The following HEATR4 variants were observed in gnomAD, a reference collection of about 807,000 sequenced individuals.
HEATR4 encodes HEAT repeat-containing protein 4.
HEATR4 carries 95 observed loss-of-function variants against 108.8 expected under a neutral mutation model. That is an observed-to-expected ratio of 0.87 (90% CI 0.74 to 1.04). HEATR4 has a LOEUF of 1.04. Among genes scored for constraint, HEATR4 ranks in the 50% least tolerant of loss-of-function variants. The pLI is 0.00. For missense variants in HEATR4, 1,152 were observed against 1,253.8 expected (o/e 0.92, Z 1.23); for synonymous variants, 443 against 459.4 (o/e 0.96, Z 0.46).
Position 73,498,200 on chromosome 14 carries a change from G to T in HEATR4, c.2501C>A (p.Thr834Asn). 6.2e-7 allele frequency: 1 copy of T among 1,613,940 alleles called. No individual in the cohort carries two copies. Among genetic ancestry groups the T allele is most frequent in the Non-Finnish European group, 8.5e-7 (1 of 1,179,918 alleles). Residue 834 changes from threonine (T) to asparagine (N), a missense_variant, in exon 14 of 18, where the codon ACC (threonine) becomes AAC (asparagine). By Grantham distance (65) the Thr-to-Asn change is moderately conservative. Coordinates refer to ENST00000553558, the MANE Select transcript of HEATR4 (RefSeq NM_001220484.1). The part of the protein sequence containing the change: ...LKLQGDRVRD[T>N]FLDVLLLENH... ...CTCCAGGAGCAGCACGTCTAGGAAG[G>T]TGTCCCTGACCCGGTCCCCTTGAAG...
chr14:73,602,899 T>C, the HEATR4 span, among the ~76,000 whole-genome samples: 1 of 152,184 alleles, frequency 6.6e-6, no homozygotes, highest in African/African-American at 2.4e-5. Flanking sequence ...AAAAGACAAT[T>C]CTGAGGCTGA....
chr14:73,592,625 G>A, the HEATR4 span, among the ~76,000 whole-genome samples: 2 of 152,338 alleles, frequency 1.3e-5, no homozygotes, highest in Non-Finnish European at 2.9e-5. Context: ...GGCCGAGATG[G>A]GCGGATCACT....
chr14:73,621,440 TC>T, the HEATR4 span, among the ~76,000 whole-genome samples: 1 of 152,102 alleles, frequency 6.6e-6, no homozygotes, highest in African/African-American at 2.4e-5. Flanking sequence ...AACCATCTAG[TC>T]CAATTACCCT....
At chr14:73,582,673 T>G in the HEATR4 span, 4 of 151,996 alleles carry the variant, frequency 2.6e-5, no homozygotes, top group African/African-American at 9.7e-5. Context: ...TGAACAAGCA[T>G]GTACAGCTAC....
chr14:73,551,677 G>A (rs1224203926), intron 1 of HEATR4, among the ~76,000 whole-genome samples: 1 of 110,718 alleles, frequency 9.0e-6, no homozygotes, highest in African/African-American at 3.0e-5. Context: ...GTGTGGTGGT[G>A]CGCACCTGTA....
intron 16 of HEATR4, 155 bp from the exon 17 acceptor site, chr14:73,493,279 G>T: frequency 1.6e-6 from 1 of 616,194 alleles, no homozygotes; most frequent in Admixed American, 3.3e-5. Flanking sequence ...ATTTTTTTTG[G>T]AATTTGGATC....
intron 1 of HEATR4, among the ~76,000 whole-genome samples, chr14:73,533,153 G>A (rs1888759830): frequency 8.8e-6 from 1 of 113,200 alleles, no homozygotes; most frequent in South Asian, 2.8e-4. Context: ...CCCTGTTGAA[G>A]GTTCCTCAAA....
the HEATR4 span, chr14:73,571,235 A>G: frequency 6.5e-6 from 1 of 153,314 alleles, no homozygotes; most frequent in African/African-American, 2.4e-5. Context: ...ACCAGGTACT[A>G]TTGTGGCCTC....
chr14:73,572,676 C>T, the HEATR4 span, among the ~76,000 whole-genome samples: 1 of 131,234 alleles, frequency 7.6e-6, no homozygotes. Flanking sequence ...GAGACAGTGT[C>T]TCGCTCTTTC....
At chr14:73,560,354 C>T (rs955240709), upstream of HEATR4, among the ~76,000 whole-genome samples, 3 of 151,998 alleles carry the variant, frequency 2.0e-5, no homozygotes, top group Non-Finnish European at 4.4e-5. Context: ...GCAGAGGGTA[C>T]GTTTTCTGTT....
the HEATR4 span, among the ~76,000 whole-genome samples, chr14:73,587,544 C>T: frequency 0.023 from 3,489 of 152,120 alleles, 148 homozygotes; most frequent in African/African-American, 0.08. Context: ...TTAGTAAAGA[C>T]GGGGTTTTGC....
At chr14:73,592,154 A>G in the HEATR4 span, 67 of 1,596,590 alleles carry the variant, frequency 4.2e-5, no homozygotes, top group Non-Finnish European at 5.7e-5. Flanking sequence ...TGGAGCGCGC[A>G]CCCGCGCTGG....
intron 10 of HEATR4, among the ~76,000 whole-genome samples, chr14:73,505,890 C>CTTTTT (rs139879719): frequency 3.5e-5 from 4 of 113,320 alleles, no homozygotes; most frequent in Non-Finnish European, 5.3e-5. Context: ...ATAAACGTTT[C>CTTTTT]TTTTTTTTTT....
intron 6 of HEATR4, among the ~76,000 whole-genome samples, chr14:73,513,767 C>A (rs1321427192): frequency 6.9e-6 from 1 of 145,776 alleles, no homozygotes; most frequent in Non-Finnish European, 1.5e-5. Flanking sequence ...ATGGTCTCTG[C>A]CTCTGAAGAG....
intron 1 of HEATR4, among the ~76,000 whole-genome samples, chr14:73,553,939 TAAC>T (rs1205217474): frequency 1.7e-5 from 2 of 115,290 alleles, no homozygotes; most frequent in South Asian, 2.7e-4. Context: ...AGGAGAGAAA[TAAC>T]AGCCAATTTC....
the HEATR4 span, among the ~76,000 whole-genome samples, chr14:73,628,687 A>G: frequency 1.3e-5 from 2 of 150,800 alleles, no homozygotes; most frequent in Admixed American, 6.6e-5. Context: ...CGGGAGGTGG[A>G]GGTTTCAGTG....
At chr14:73,514,880 A>G (rs960542995) in intron 5 of HEATR4, among the ~76,000 whole-genome samples, 1 of 151,986 alleles carries the variant, frequency 6.6e-6, no homozygotes, top group Non-Finnish European at 1.5e-5. Flanking sequence ...CATCCTGGCT[A>G]ACACGGTGAA....
At chr14:73,592,497 T>C in the HEATR4 span, 1 of 1,398,638 alleles carries the variant, frequency 7.1e-7, no homozygotes, top group Non-Finnish European at 9.3e-7. Flanking sequence ...TAGCACTGGT[T>C]TGGTTTTGGA....
chr14:73,541,426 T>C, intron 1 of HEATR4: 1 of 1,183,880 alleles, frequency 8.4e-7, no homozygotes, highest in Admixed American at 2.4e-5. Flanking sequence ...ATGTTTAACT[T>C]GGTAAGAAAC....
Sources: allele counts gnomAD v4.1 joint callset (sites outside exome capture counted in the v4.1 genomes callset), GRCh38; gene constraint gnomAD v4.1.1; transcripts MANE v1.5; gene names NCBI Gene and HGNC (gene_info 2026-07-23, HGNC 2026-07-21).